HEG1: variants seen among roughly 807,000 people sequenced by gnomAD.
The protein encoded by HEG1 is heart development protein with EGF like domains 1, also known as protein HEG homolog 1.
Under a neutral mutation model 125.6 loss-of-function variants are expected in HEG1, and 56 were observed. The ratio of observed to expected loss-of-function variants is 0.45; its 90% CI spans 0.36 to 0.56. The LOEUF is 0.56. Ranked by LOEUF, HEG1 falls within the 20% of genes least tolerant of loss-of-function variation. The pLI, the probability that HEG1 is intolerant of heterozygous loss-of-function variation, is 0.00. For synonymous variants in HEG1, 644 were observed against 668.5 expected (o/e 0.96, Z 0.57); for missense variants, 1,523 against 1,670.0 (o/e 0.91, Z 1.53).
intron 1 of HEG1, among the ~76,000 whole-genome samples, chr3:125,049,671 A>C (rs916053915): frequency 5.9e-5 from 9 of 151,986 alleles, no homozygotes; most frequent in Admixed American, 2.0e-4. Context: ...TTACTCTTTT[A>C]AGTGGCCCTT....
At chr3:124,996,345 A>G (rs1055290129) in intron 12 of HEG1, among the ~76,000 whole-genome samples, 4 of 151,976 alleles carry the variant, frequency 2.6e-5, no homozygotes, top group African/African-American at 9.7e-5. Context: ...CGGCCTCCCA[A>G]AGTGCTGAAA....
chr3:125,033,865 A>G (rs1482994180), intron 1 of HEG1, among the ~76,000 whole-genome samples: 1 of 152,196 alleles, frequency 6.6e-6, no homozygotes, highest in Non-Finnish European at 1.5e-5. Flanking sequence ...ATTATTGTGA[A>G]CTGCGCATGT....
At position 125,013,093 on chromosome 3, in the gene HEG1, G is replaced by A. The variant is rs1034663275; in HGVS notation, c.2486C>T (p.Pro829Leu). Residue 829 changes from proline (P) to leucine (L), a missense_variant, in exon 6 of 17, where the codon CCA (proline) becomes CTA (leucine). By Grantham distance (98) the Pro-to-Leu change is moderately conservative. Transcript: ENST00000311127. The stretch of plus-strand genomic sequence containing the variant: ...TTGTGCTAAGTTGGTGCTTGTGGCT[G>A]GAAGGGTTTGCTCTGTGGAGGACTC... ...LTESSTEQTL[P>L]ATSTNLAQMS... is the part of the protein sequence containing the mutation. 5.0e-6 allele frequency: 8 copies of A among 1,613,874 alleles called. No homozygotes were observed. The highest frequency in any genetic ancestry group is 6.8e-6 in the Non-Finnish European group (8 of 1,179,898).
At chr3:125,010,712 A>G (rs1409244506) in intron 6 of HEG1, among the ~76,000 whole-genome samples, 157 bp from the exon 7 acceptor site, 1 of 152,264 alleles carries the variant, frequency 6.6e-6, no homozygotes, top group Non-Finnish European at 1.5e-5. Context: ...TGGGTTTCCC[A>G]GAGGTGCATT....
chr3:124,997,083 A>G (rs1192208921), intron 12 of HEG1, among the ~76,000 whole-genome samples: 1 of 152,168 alleles, frequency 6.6e-6, no homozygotes, highest in Non-Finnish European at 1.5e-5. Flanking sequence ...TCATTAATTC[A>G]ACAACAACCT....
chr3:125,020,926 A>G lies in HEG1; in HGVS notation c.1118T>C (p.Leu373Pro). The G allele has an allele frequency of 1.2e-6, 2 of 1,614,056 alleles. No homozygotes were observed. The highest frequency in any genetic ancestry group is 1.7e-6 in the Non-Finnish European group (2 of 1,179,908). ...SRIATTSSSVLLSPSAVESRR... is the reference protein window; with the variant it reads ...SRIATTSSSVPLSPSAVESRR... Reference sequence around the variant, plus strand: ...CGATTCCACTGCAGAGGGTGAAAGAAGGACTGAGGATGAAGTCGTGGCAAT... The same window carrying G: ...CGATTCCACTGCAGAGGGTGAAAGAGGGACTGAGGATGAAGTCGTGGCAAT... The change falls in exon 4 of 17, where the codon CTT (leucine) becomes CCT (proline). Residue 373 changes from leucine (L) to proline (P), a missense_variant. Physicochemically the swap from Leu to Pro is moderately conservative, Grantham distance 98. Transcript: ENST00000311127.
intron 1 of HEG1, among the ~76,000 whole-genome samples, chr3:125,035,648 A>G (rs928690744): frequency 6.6e-6 from 1 of 152,198 alleles, no homozygotes; most frequent in African/African-American, 2.4e-5. Flanking sequence ...AAATTATAAC[A>G]AATTTCTTTC....
intron 14 of HEG1, among the ~76,000 whole-genome samples, chr3:124,986,668 A>G (rs1002143885): frequency 6.6e-6 from 1 of 152,240 alleles, no homozygotes; most frequent in Non-Finnish European, 1.5e-5. Flanking sequence ...GGCCGGTTCT[A>G]AAAGGTGGCC....
chr3:125,032,631 G>A (rs1937512212), intron 1 of HEG1, among the ~76,000 whole-genome samples: 1 of 152,236 alleles, frequency 6.6e-6, no homozygotes, highest in South Asian at 2.1e-4. Context: ...AAGGCAAGCT[G>A]GTCTCCTGGG....
At chr3:124,990,845 A>T in intron 13 of HEG1, 21 bp from the exon 14 acceptor site, 1 of 1,560,596 alleles carries the variant, frequency 6.4e-7, no homozygotes, top group Non-Finnish European at 8.7e-7. Context: ...AGAAAGAAAA[A>T]AGGGCAAGAA....
chr3:125,012,888 A>T lies in HEG1; in HGVS notation c.2691T>A (p.Gly897=), dbSNP rs774658209. 5 of 1,613,880 alleles carry T rather than the reference A, an allele frequency of 3.1e-6. No homozygotes were observed. Among genetic ancestry groups the T allele is most frequent in the Non-Finnish European group, 4.2e-6 (5 of 1,179,910 alleles). The change falls in exon 6 of 17, where the codon GGT becomes GGA. Residue 897 remains glycine, a synonymous_variant. Coordinates refer to ENST00000311127, the MANE Select transcript of HEG1 (RefSeq NM_020733.2). ...CTCGGTTCCTTTCTGTGCTGATGCCACCTTCTGTTGAGATTTGAGGAACTA... is the reference window on the plus strand; with the variant it reads ...CTCGGTTCCTTTCTGTGCTGATGCCTCCTTCTGTTGAGATTTGAGGAACTA... ...EILVPQISTE[G]GISTERNRVI...
chr3:124,990,869 T>C, intron 13 of HEG1, 45 bp from the exon 14 acceptor site: 1 of 1,555,592 alleles, frequency 6.4e-7, no homozygotes, highest in Non-Finnish European at 8.7e-7. Flanking sequence ...GTTTCCAATC[T>C]CAAAAGAAAT....
At chr3:124,987,570 C>T (rs62267135) in intron 14 of HEG1, among the ~76,000 whole-genome samples, 34,540 of 146,436 alleles carry the variant, frequency 0.24, 4,237 homozygotes, top group East Asian at 0.36. Flanking sequence ...TCGCCCGGGC[C>T]AGAGTGCAAT....
intron 14 of HEG1, among the ~76,000 whole-genome samples, chr3:124,980,960 T>A (rs577899752): frequency 5.9e-5 from 9 of 151,892 alleles, no homozygotes; most frequent in African/African-American, 1.9e-4. Flanking sequence ...GCTCAAGCAA[T>A]CCTTCTGCCT....
Position 125,050,913 on chromosome 3 carries a change from G to A in HEG1, c.316+4662C>T, listed in dbSNP as rs528589546. Among the ~76,000 whole-genome samples, 12 of 152,354 alleles carry A rather than the reference G, an allele frequency of 7.9e-5. No homozygotes were observed. The South Asian group carries it at 1.9e-3, about 24-fold the overall frequency. ...CCTGATGAATGGTGAGTGGGTAGAA[G>A]AGAGCATAGATGTTCAAATGAAAGC... is the stretch of plus-strand genomic sequence containing the variant. On this transcript the variant is annotated intron_variant, in intron 1 of 16. Coordinates refer to ENST00000311127, the MANE Select transcript of HEG1 (RefSeq NM_020733.2).
intron 5 of HEG1, chr3:125,014,992 G>GCT: frequency 8.0e-7 from 1 of 1,254,140 alleles, no homozygotes; most frequent in South Asian, 1.3e-5. Flanking sequence ...GCTTGGCCTG[G>GCT]CTCTCGGCTG....
In HEG1 at chr3:124,979,584, T is replaced by C. The variant is rs772845708; in HGVS notation, c.3734-1638A>G. ...AATATTCCTATTGATTTTTTGGTTG[T>C]GGAAATACAAGAAAATTGTGTTCTC... On this transcript the variant is annotated intron_variant, in intron 14 of 16. Coordinates refer to ENST00000311127, the MANE Select transcript of HEG1 (RefSeq NM_020733.2). 3.5e-4 allele frequency among the ~76,000 whole-genome samples: 54 copies of C among 152,346 alleles called. 1 individual carries two copies. The highest frequency in any genetic ancestry group is 4.4e-4 in the Non-Finnish European group (30 of 68,034).
At chr3:125,018,582 C>T (rs961768883) in intron 5 of HEG1, among the ~76,000 whole-genome samples, 4 of 152,142 alleles carry the variant, frequency 2.6e-5, no homozygotes, top group African/African-American at 7.2e-5. Context: ...TGGATGAATG[C>T]CCCGACAACT....
intron 5 of HEG1, among the ~76,000 whole-genome samples, chr3:125,017,104 G>A (rs1937261329): frequency 6.6e-6 from 1 of 151,412 alleles, no homozygotes; most frequent in Admixed American, 6.6e-5. Flanking sequence ...ACCCAGGCTA[G>A]AGTGCAGTGG....
Sources: gnomAD v4.1 joint callset for allele counts (sites outside exome capture counted in the v4.1 genomes callset) on GRCh38, gnomAD v4.1.1 for gene constraint, MANE v1.5 for transcripts, NCBI Gene and HGNC (gene_info 2026-07-23, HGNC 2026-07-21) for gene names.